The following IQCM variants were observed in gnomAD, a reference collection of about 807,000 sequenced individuals.
IQCM encodes the protein IQ motif containing M.
IQCM carries 45 observed loss-of-function variants against 57.6 expected under a neutral mutation model. The observed-to-expected ratio is 0.78, with a 90% CI of 0.62 to 1.00. IQCM has a LOEUF of 1.00. Among genes scored for constraint, IQCM ranks in the 50% least tolerant of loss-of-function variants. The probability of loss-of-function intolerance (pLI) is 0.00; values close to 1 mark genes in which losing one functional copy is unlikely to be tolerated. For synonymous variants in IQCM, 148 were observed against 158.9 expected, an observed-to-expected ratio of 0.93 and a Z score of 0.51; for missense variants, 468 against 511.6, an observed-to-expected ratio of 0.91 and a Z score of 0.82.
intron 12 of IQCM, among the ~76,000 whole-genome samples, chr4:149,491,721 G>A (rs1306012826): frequency 6.6e-6 from 1 of 152,044 alleles, no homozygotes; most frequent in African/African-American, 2.4e-5. Context: ...TGAACATGGG[G>A]TGCAGATGTC....
At chr4:149,571,901 T>A (rs1433447582) in intron 9 of IQCM, among the ~76,000 whole-genome samples, 2 of 152,096 alleles carry the variant, frequency 1.3e-5, no homozygotes, top group African/African-American at 4.8e-5. Flanking sequence ...TCCTCCATAA[T>A]GCATAAGTAG....
chr4:149,644,231 C>G (rs1273491807), intron 7 of IQCM, among the ~76,000 whole-genome samples: 2 of 152,102 alleles, frequency 1.3e-5, no homozygotes, highest in Non-Finnish European at 2.9e-5. Flanking sequence ...ATACCTACAG[C>G]TTTTGATAGT....
intron 2 of IQCM, among the ~76,000 whole-genome samples, chr4:149,786,524 A>G (rs1421313816): frequency 2.0e-5 from 3 of 152,248 alleles, no homozygotes; most frequent in Admixed American, 2.0e-4. Context: ...GGCAAAGGAC[A>G]TCAACAGACA....
At chr4:149,676,080 C>G (rs764698863) in intron 7 of IQCM, among the ~76,000 whole-genome samples, 8 of 151,962 alleles carry the variant, frequency 5.3e-5, no homozygotes, top group Non-Finnish European at 7.4e-5. Context: ...TGTTTCCTTA[C>G]AAAAGCTTTA....
At chr4:149,391,528 C>A (rs1382456867) in intron 13 of IQCM, among the ~76,000 whole-genome samples, 1 of 151,562 alleles carries the variant, frequency 6.6e-6, no homozygotes, top group Non-Finnish European at 1.5e-5. Flanking sequence ...TTCCTTTCTT[C>A]TTCTTGCTTT....
intron 5 of IQCM, among the ~76,000 whole-genome samples, chr4:149,694,218 C>CTTTTTTT (rs70965195): frequency 2.3e-4 from 22 of 94,808 alleles, no homozygotes; most frequent in Non-Finnish European, 2.8e-4. Flanking sequence ...GGATTAATTT[C>CTTTTTTT]TTTTTTTTTT....
chr4:149,555,180 A>G (rs1227060670), intron 10 of IQCM, among the ~76,000 whole-genome samples: 1 of 152,124 alleles, frequency 6.6e-6, no homozygotes, highest in Non-Finnish European at 1.5e-5. Flanking sequence ...ATTTAATAAC[A>G]TTTTTCAATG....
chr4:149,461,586 C>T (rs1313926951), intron 12 of IQCM, among the ~76,000 whole-genome samples: 3 of 147,960 alleles, frequency 2.0e-5, no homozygotes, highest in South Asian at 2.1e-4. Context: ...CCTGGGAGGT[C>T]GAGGCTGCCA....
At chr4:149,380,984 T>TGTG (rs1731039359) in intron 13 of IQCM, among the ~76,000 whole-genome samples, 2 of 152,214 alleles carry the variant, frequency 1.3e-5, no homozygotes, top group African/African-American at 4.8e-5. Flanking sequence ...TGTGTAACAG[T>TGTG]CATTTCAAAA....
chr4:149,693,636 T>C (rs1425898514), intron 5 of IQCM, among the ~76,000 whole-genome samples: 1 of 152,196 alleles, frequency 6.6e-6, no homozygotes, highest in Non-Finnish European at 1.5e-5. Flanking sequence ...CCATAAATAA[T>C]CTTTCATTTC....
intron 5 of IQCM, among the ~76,000 whole-genome samples, chr4:149,726,984 A>G (rs1485827087): frequency 6.6e-6 from 1 of 151,870 alleles, no homozygotes; most frequent in African/African-American, 2.4e-5. Context: ...TCCTGCCCTC[A>G]AGTGATCTGT....
chr4:149,605,305 C>T (rs1754680810), intron 8 of IQCM, among the ~76,000 whole-genome samples: 1 of 152,112 alleles, frequency 6.6e-6, no homozygotes, highest in Non-Finnish European at 1.5e-5. Context: ...TTCAAAAATA[C>T]ACATTTAAAA....
chr4:149,670,940 C>CTTTTT (rs57287015), intron 7 of IQCM, among the ~76,000 whole-genome samples: 1 of 143,374 alleles, frequency 7.0e-6, no homozygotes, highest in Non-Finnish European at 1.5e-5. Context: ...AAAATTCTCT[C>CTTTTT]TTTTTTTTTT....
At chr4:149,481,873 T>G (rs1740934490) in intron 12 of IQCM, among the ~76,000 whole-genome samples, 2 of 151,170 alleles carry the variant, frequency 1.3e-5, no homozygotes, top group Non-Finnish European at 3.0e-5. Flanking sequence ...GTATGGACAT[T>G]TTAAAAATAG....
chr4:149,787,313 T>TAAATA (rs1048361142), intron 2 of IQCM, among the ~76,000 whole-genome samples: 54 of 149,996 alleles, frequency 3.6e-4, no homozygotes, highest in African/African-American at 9.5e-4. Flanking sequence ...AATACAGGAA[T>TAAATA]AAATAAAATA....
intron 12 of IQCM, among the ~76,000 whole-genome samples, chr4:149,545,918 G>A (rs561400155): frequency 1.7e-4 from 26 of 152,058 alleles, no homozygotes; most frequent in East Asian, 1.2e-3. Context: ...TGCTGCACCC[G>A]TTAACTCGTC....
chr4:149,374,848 G>A (rs543340425), intron 13 of IQCM, among the ~76,000 whole-genome samples: 1 of 152,018 alleles, frequency 6.6e-6, no homozygotes, highest in African/African-American at 2.4e-5. Flanking sequence ...CAAAAAAGGA[G>A]TTTAGGTGCT....
intron 9 of IQCM, among the ~76,000 whole-genome samples, chr4:149,580,868 T>A (rs966079631): frequency 6.6e-6 from 1 of 151,660 alleles, no homozygotes; most frequent in Non-Finnish European, 1.5e-5. Context: ...ATTAAAAGGG[T>A]GATTCAATAA....
intron 10 of IQCM, among the ~76,000 whole-genome samples, chr4:149,559,745 A>G (rs1029893658): frequency 3.3e-5 from 5 of 152,248 alleles, no homozygotes; most frequent in African/African-American, 1.2e-4. Flanking sequence ...TGTGAGTGTT[A>G]GCACACGTTA....
Sources: gnomAD v4.1 joint callset for allele counts (sites outside exome capture counted in the v4.1 genomes callset) on GRCh38, gnomAD v4.1.1 for gene constraint, MANE v1.5 for transcripts, NCBI Gene and HGNC (gene_info 2026-07-23, HGNC 2026-07-21) for gene names.